The following TMEM179 variants were observed in gnomAD, a reference collection of about 807,000 sequenced individuals.
TMEM179 encodes the protein transmembrane protein 179A.
TMEM179 carries 17 observed loss-of-function variants against 22.2 expected under a neutral mutation model. The observed-to-expected ratio is 0.77, with a 90% CI of 0.52 to 1.15. The LOEUF is 1.15. Ranked by LOEUF, TMEM179 falls within the 50% of genes most tolerant of loss-of-function variation. TMEM179 has a pLI of 0.00. For missense variants in TMEM179, 265 were observed against 313.6 expected (o/e 0.84, Z 1.17); for synonymous variants, 127 against 140.5 (o/e 0.90, Z 0.68).
intron 1 of TMEM179, among the ~76,000 whole-genome samples, chr14:104,600,548 T>C (rs7142224): frequency 0.83 from 126,339 of 152,296 alleles, 53,419 homozygotes; most frequent in Middle Eastern, 0.91. Flanking sequence ...ATGGCAAGCC[T>C]CTCTGAAGCA....
rs1566742958 is a variant in TMEM179 at position 104,595,760 on chromosome 14, C to A, written c.444-517G>T. ...CTGCCCAGAAGCTCTGCCCCCATCA[C>A]GGAGGCATCTGTGGAAGCAGTGGGC... On this transcript the variant is annotated intron_variant, in intron 2 of 3. Transcript: ENST00000556573. The surrounding 1 kb of genome is among the most constrained non-coding windows in gnomAD (Gnocchi z 5.7). Among the ~76,000 whole-genome samples, 1 of 152,218 alleles carries A rather than the reference C, an allele frequency of 6.6e-6. No individual in the cohort carries two copies. Among genetic ancestry groups the A allele is most frequent in the Non-Finnish European group, 1.5e-5 (1 of 68,042 alleles).
At position 104,597,733 on chromosome 14, in the gene TMEM179, G is replaced by C. The variant is rs1035734532; in HGVS notation, c.306-606C>G. The stretch of plus-strand genomic sequence containing the variant: ...CCTGGATCGCAGACCTCTAGCCTCC[G>C]GAAGTGTGAGCAGTAAATGCCTGTT... On this transcript the variant is annotated intron_variant, in intron 1 of 3. Coordinates refer to ENST00000556573, the MANE Select transcript of TMEM179 (RefSeq NM_001286389.2). This position sits in a 1 kb window ranked among gnomAD's most constrained non-coding sequence, Gnocchi z 4.8. 6.6e-6 allele frequency among the ~76,000 whole-genome samples: 1 copy of C among 152,154 alleles called. No homozygotes were observed. Among genetic ancestry groups the C allele is most frequent in the Non-Finnish European group, 1.5e-5 (1 of 68,024 alleles).
chr14:104,598,304 T>C (rs1258095426), intron 1 of TMEM179, among the ~76,000 whole-genome samples: 6 of 152,172 alleles, frequency 3.9e-5, no homozygotes, highest in African/African-American at 1.4e-4. Context: ...ACTAGCAGCA[T>C]GGCTGAGAAG....
rs567198559 is a variant in TMEM179, at chr14:104,590,992, G to C, written c.*2487C>G. 29 of 188,546 alleles carry C rather than the reference G, an allele frequency of 1.5e-4. No homozygotes were observed. In the East Asian group the frequency reaches 3.5e-3, roughly 23 times the overall value. The allele number at this position is 188,546 out of a possible 1,614,324, so 11.7% of individuals were successfully genotyped here. ...TGGTGGACCAGCCTCAGGAACCCCG[G>C]GTCATGCCTGCACTTCCCACCTTCC... is the stretch of plus-strand genomic sequence containing the variant. On this transcript the variant is annotated 3_prime_UTR_variant, in exon 4 of 4. Coordinates refer to ENST00000556573, the MANE Select transcript of TMEM179 (RefSeq NM_001286389.2).
In TMEM179 at chr14:104,604,758, A is replaced by C; in HGVS notation, c.-17T>G. On this transcript the variant is annotated 5_prime_UTR_variant, in exon 1 of 4. Transcript: ENST00000556573. This position sits in a 1 kb window ranked among gnomAD's most constrained non-coding sequence, Gnocchi z 4.6. ...GAGCGCCATGGCCGGCCCGGGCGAG[A>C]GCGGCGGCGGGAAGGCCGCGGGAGG... is the stretch of plus-strand genomic sequence containing the variant. The C allele has an allele frequency of 6.6e-7, 1 of 1,506,128 alleles. No homozygotes were observed. The highest frequency in any genetic ancestry group is 1.3e-5 in the South Asian group (1 of 76,766). The allele number at this position is 1,506,128 out of a possible 1,614,324, so 93.3% of individuals were successfully genotyped here. A position where few individuals can be genotyped will look rare whatever the true frequency, so the allele number is the denominator to read the frequency against.
At chr14:104,602,620 G>A (rs959971176) in intron 1 of TMEM179, among the ~76,000 whole-genome samples, 4 of 152,254 alleles carry the variant, frequency 2.6e-5, no homozygotes, top group African/African-American at 7.2e-5. Flanking sequence ...CATGGGTGCA[G>A]ATGACGTCTC....
intron 1 of TMEM179, among the ~76,000 whole-genome samples, chr14:104,601,893 C>T (rs1048341038): frequency 6.6e-6 from 1 of 152,130 alleles, no homozygotes; most frequent in Non-Finnish European, 1.5e-5. Context: ...TCACCCTAAC[C>T]CCCACAGGCC....
chr14:104,595,217 A>G lies in TMEM179; in HGVS notation c.470T>C (p.Leu157Ser), dbSNP rs747849099. Residue 157 changes from leucine to serine, a missense_variant, in exon 3 of 4, where the codon TTG (leucine) becomes TCG (serine). Physicochemically the swap from Leu to Ser is moderately radical, Grantham distance 145. Coordinates refer to ENST00000556573, the MANE Select transcript of TMEM179 (RefSeq NM_001286389.2). The surrounding 1 kb of genome is among the most constrained non-coding windows in gnomAD (Gnocchi z 5.7). ...GGCGGAGTTGTCCACGCCCAGCTCC[A>G]AGTCGATGTCCTGGAGCTCTTCACA... ...HSCEELQDID[L>S]ELGVDNSAFY... 6.2e-7 allele frequency: 1 copy of G among 1,613,380 alleles called. No individual in the cohort carries two copies. The highest frequency in any genetic ancestry group is 8.5e-7 in the Non-Finnish European group (1 of 1,179,904).
At position 104,598,600 on chromosome 14, in the gene TMEM179, C is replaced by T. The variant is rs74092116; in HGVS notation, c.306-1473G>A. Among the ~76,000 whole-genome samples, 1,490 of 152,344 alleles carry T rather than the reference C, an allele frequency of 9.8e-3. 29 individuals are homozygous for T. The highest frequency in any genetic ancestry group is 0.035 in the African/African-American group (1,439 of 41,566). ...GCTGGACACAGAGGGCAGAGTGATA[C>T]AAAAGACGAAGTCCTGGCCCCGGGA... On this transcript the variant is annotated intron_variant, in intron 1 of 3. Transcript: ENST00000556573.
chr14:104,593,160 C>T lies in TMEM179; in HGVS notation c.*319G>A, dbSNP rs1886897436. 1 of 430,332 alleles carries T rather than the reference C, an allele frequency of 2.3e-6. No homozygotes were observed. The highest frequency in any genetic ancestry group is 4.2e-6 in the Non-Finnish European group (1 of 239,686). 26.7% of individuals were successfully genotyped at this position (430,332 alleles called of 1,614,324 possible). On this transcript the variant is annotated 3_prime_UTR_variant, in exon 4 of 4. Coordinates refer to ENST00000556573, the MANE Select transcript of TMEM179 (RefSeq NM_001286389.2). ...TGGGGGAGACAAGCTGGACGCCCTC[C>T]ACATAGGCTGGCCAGTCAGGTCCTA...
chr14:104,596,556 C>T (rs907148431), intron 2 of TMEM179, among the ~76,000 whole-genome samples: 4 of 152,210 alleles, frequency 2.6e-5, no homozygotes, highest in Non-Finnish European at 2.9e-5. Context: ...GCCTAATGCT[C>T]CCTGGGCTCT....
At chr14:104,598,812 G>A (rs1350647015) in intron 1 of TMEM179, among the ~76,000 whole-genome samples, 1 of 152,212 alleles carries the variant, frequency 6.6e-6, no homozygotes, top group East Asian at 1.9e-4. Flanking sequence ...GGGAGGGTTT[G>A]AGCCACCCCA....
At position 104,595,064 on chromosome 14, in the gene TMEM179, C is replaced by A; in HGVS notation, c.522+101G>T. On this transcript the variant is annotated intron_variant, in intron 3 of 3. Coordinates refer to ENST00000556573, the MANE Select transcript of TMEM179 (RefSeq NM_001286389.2). This position sits in a 1 kb window ranked among gnomAD's most constrained non-coding sequence, Gnocchi z 5.7. ...GCTAACTACCTTATCCACACAGGAG[C>A]CTGCCTCCTCCTCTGGATGGGGGAG... 1 of 1,584,056 alleles carries A rather than the reference C, an allele frequency of 6.3e-7. No individual in the cohort carries two copies. The highest frequency in any genetic ancestry group is 1.2e-5 in the South Asian group (1 of 86,376).
At position 104,604,426 on chromosome 14, in the gene TMEM179, C is replaced by A; in HGVS notation, c.305+11G>T. The A allele has an allele frequency of 1.3e-6, 2 of 1,531,214 alleles. No homozygotes were observed. The highest frequency in any genetic ancestry group is 1.7e-6 in the Non-Finnish European group (2 of 1,146,900). 94.9% of individuals were successfully genotyped at this position (1,531,214 alleles called of 1,614,324 possible). On this transcript the variant is annotated intron_variant, in intron 1 of 3. Transcript: ENST00000556573. This position sits in a 1 kb window ranked among gnomAD's most constrained non-coding sequence, Gnocchi z 4.6. ...GGAAGGGGCGCCGCGCCGGGAGCGG[C>A]CCCCACTTACCCCTCGTGTCCCTTG...
Position 104,604,313 on chromosome 14 carries a change from T to C in TMEM179, c.305+124A>G, listed in dbSNP as rs903433350. 1 of 1,103,424 alleles carries C rather than the reference T, an allele frequency of 9.1e-7. No individual in the cohort carries two copies. The highest frequency in any genetic ancestry group is 1.2e-6 in the Non-Finnish European group (1 of 814,012). 68.4% of individuals were successfully genotyped at this position (1,103,424 alleles called of 1,614,324 possible). On this transcript the variant is annotated intron_variant, in intron 1 of 3. Transcript: ENST00000556573. The surrounding 1 kb of genome is among the most constrained non-coding windows in gnomAD (Gnocchi z 4.6). ...GAGTGGAGGGGGTGAGGGCGGATTG[T>C]TGACATTTGCGGGCCTCGGAGCTGC...
chr14:104,592,103 G>T lies in TMEM179; in HGVS notation c.*1376C>A. 1 of 154,442 alleles carries T rather than the reference G, an allele frequency of 6.5e-6. No homozygotes were observed. Among genetic ancestry groups the T allele is most frequent in the Admixed American group, 6.3e-5 (1 of 15,756 alleles). The allele number at this position is 154,442 out of a possible 1,614,324, so 9.6% of individuals were successfully genotyped here. On this transcript the variant is annotated 3_prime_UTR_variant, in exon 4 of 4. Coordinates refer to ENST00000556573, the MANE Select transcript of TMEM179 (RefSeq NM_001286389.2). ...ATGCTGGGCGTGGGAGCCCATGGGA[G>T]GGGCAGAGGGGCTGTCCACACAGCA... is the stretch of plus-strand genomic sequence containing the variant.
In TMEM179 at chr14:104,595,079, G is replaced by T; in HGVS notation, c.522+86C>A. 1 of 1,600,556 alleles carries T rather than the reference G, an allele frequency of 6.2e-7. No homozygotes were observed. Among genetic ancestry groups the T allele is most frequent in the Non-Finnish European group, 8.5e-7 (1 of 1,172,308 alleles). The stretch of plus-strand genomic sequence containing the variant: ...CACACAGGAGCCTGCCTCCTCCTCT[G>T]GATGGGGGAGAGCTCAGCAAATGTC... On this transcript the variant is annotated intron_variant, in intron 3 of 3. Transcript: ENST00000556573. The surrounding 1 kb of genome is among the most constrained non-coding windows in gnomAD (Gnocchi z 5.7).
At position 104,604,636 on chromosome 14, in the gene TMEM179, G is replaced by C; in HGVS notation, c.106C>G (p.Arg36Gly). 3 of 1,583,888 alleles carry C rather than the reference G, an allele frequency of 1.9e-6. No homozygotes were observed. Among genetic ancestry groups the C allele is most frequent in the Non-Finnish European group, 2.6e-6 (3 of 1,167,806 alleles). Residue 36 changes from arginine to glycine, a missense_variant, in exon 1 of 4, where the codon CGC becomes GGC. Physicochemically the swap from Arg to Gly is moderately radical, Grantham distance 125. Coordinates refer to ENST00000556573, the MANE Select transcript of TMEM179 (RefSeq NM_001286389.2). This position sits in a 1 kb window ranked among gnomAD's most constrained non-coding sequence, Gnocchi z 4.6. Reference sequence around the variant, plus strand: ...TCGGTGAAGAGCAGGCAGCGGCCGCGGAAGTCGTGGCCGTTCTCGGACAGC... The same window carrying C: ...TCGGTGAAGAGCAGGCAGCGGCCGCCGAAGTCGTGGCCGTTCTCGGACAGC... Reference protein sequence around the residue: ...VPLSENGHDFRGRCLLFTEGM... With the variant: ...VPLSENGHDFGGRCLLFTEGM...
intron 2 of TMEM179, among the ~76,000 whole-genome samples, chr14:104,596,764 G>A (rs553973177): frequency 2.0e-5 from 3 of 152,326 alleles, no homozygotes; most frequent in East Asian, 1.9e-4. Flanking sequence ...CTTGTGTGAC[G>A]TGTGATGCTG....
Sources: gnomAD v4.1 joint callset for allele counts (sites outside exome capture counted in the v4.1 genomes callset) on GRCh38, gnomAD v4.1.1 for gene constraint, Gnocchi (gnomAD v3.1) non-coding constraint, MANE v1.5 for transcripts, NCBI Gene and HGNC (gene_info 2026-07-23, HGNC 2026-07-21) for gene names.